EPHA6: variants seen among roughly 807,000 people sequenced by gnomAD.
EPHA6 encodes the protein EPH receptor A6.
In EPHA6, 50 loss-of-function variants were observed where a neutral mutation model predicts 112.0. The ratio of observed to expected loss-of-function variants is 0.45; its 90% CI spans 0.36 to 0.56. The LOEUF is 0.56. EPHA6 is among the 20% of genes least tolerant of loss of function. The pLI is 0.00. For missense variants in EPHA6, 1,280 were observed against 1,417.4 expected (o/e 0.90, Z 1.56); for synonymous variants, 529 against 490.7 (o/e 1.08, Z -1.03).
chr3:97,087,527 G>C (rs1319585032), intron 3 of EPHA6, among the ~76,000 whole-genome samples: 1 of 152,196 alleles, frequency 6.6e-6, no homozygotes, highest in African/African-American at 2.4e-5. Flanking sequence ...AGGGCCACTA[G>C]CTAGGCAGGT....
intron 5 of EPHA6, among the ~76,000 whole-genome samples, chr3:97,254,588 C>A (rs2079248154): frequency 6.6e-6 from 1 of 152,150 alleles, no homozygotes; most frequent in Non-Finnish European, 1.5e-5. Context: ...TTCCTACCAG[C>A]TCATATTAGT....
intron 2 of EPHA6, among the ~76,000 whole-genome samples, chr3:96,930,405 T>C (rs2040251696): frequency 6.6e-6 from 1 of 152,218 alleles, no homozygotes; most frequent in Non-Finnish European, 1.5e-5. Flanking sequence ...TGTGTTGATG[T>C]TGTTTTCTGT....
chr3:97,029,881 A>T (rs1489859656), intron 3 of EPHA6, among the ~76,000 whole-genome samples: 2 of 152,122 alleles, frequency 1.3e-5, no homozygotes, highest in African/African-American at 2.4e-5. Context: ...GTATCATTGA[A>T]ATCTATGAAG....
At chr3:97,227,393 A>G (rs149687635) in intron 4 of EPHA6, among the ~76,000 whole-genome samples, 4,205 of 152,028 alleles carry the variant, frequency 0.028, 86 homozygotes, top group South Asian at 0.051. Flanking sequence ...GCTAATTTTC[A>G]TATTTTTAGT....
intron 3 of EPHA6, among the ~76,000 whole-genome samples, chr3:97,178,484 C>G (rs2076897270): frequency 6.6e-6 from 1 of 152,040 alleles, no homozygotes; most frequent in African/African-American, 2.4e-5. Flanking sequence ...TCATTGATGT[C>G]CTTTTCTTTC....
chr3:97,663,212 T>C (rs1239140538), intron 14 of EPHA6, among the ~76,000 whole-genome samples: 2 of 152,206 alleles, frequency 1.3e-5, no homozygotes, highest in Non-Finnish European at 2.9e-5. Context: ...TAGAAATATA[T>C]ATTTTTAAAG....
chr3:96,963,655 C>A (rs1215942312), intron 2 of EPHA6, among the ~76,000 whole-genome samples: 1 of 152,114 alleles, frequency 6.6e-6, no homozygotes, highest in African/African-American at 2.4e-5. Flanking sequence ...ATCTGTCATG[C>A]AGTGGAGCTC....
chr3:97,531,687 C>G (rs2092696925), intron 10 of EPHA6, among the ~76,000 whole-genome samples: 1 of 152,100 alleles, frequency 6.6e-6, no homozygotes, highest in African/African-American at 2.4e-5. Flanking sequence ...TTCTTTGAAA[C>G]TCACAACATT....
Position 97,059,722 on chromosome 3 carries a change from AATG to A in EPHA6, c.1114+71732_1114+71734del, listed in dbSNP as rs544277291. Among the ~76,000 whole-genome samples, 654 of 150,632 alleles carry A rather than the reference AATG, an allele frequency of 4.3e-3. 4 individuals are homozygous for A. The highest frequency in any genetic ancestry group is 0.014 in the African/African-American group (565 of 40,860). On this transcript the variant is annotated intron_variant, in intron 3 of 17. Transcript: ENST00000389672. Reference sequence around the variant, plus strand: ...TAGATACACATAATATAATAAATATAATGATAAGTGTAACTTTCAAAAGAATTT... The same window carrying A: ...TAGATACACATAATATAATAAATATAATAAGTGTAACTTTCAAAAGAATTT...
At chr3:97,458,538 G>C (rs1254478522) in intron 7 of EPHA6, among the ~76,000 whole-genome samples, 1 of 151,948 alleles carries the variant, frequency 6.6e-6, no homozygotes, top group Non-Finnish European at 1.5e-5. Context: ...ACGTAAGTGT[G>C]TGTATATATA....
chr3:96,902,787 A>T (rs2038689365), intron 2 of EPHA6, among the ~76,000 whole-genome samples: 1 of 152,108 alleles, frequency 6.6e-6, no homozygotes, highest in Non-Finnish European at 1.5e-5. Context: ...TATTGACAAG[A>T]TCTACTGGAG....
At chr3:97,051,720 A>G (rs1359961225) in intron 3 of EPHA6, among the ~76,000 whole-genome samples, 1 of 152,108 alleles carries the variant, frequency 6.6e-6, no homozygotes, top group Non-Finnish European at 1.5e-5. Flanking sequence ...GTGGTTCTCA[A>G]TCTTGGCTTC....
intron 2 of EPHA6, among the ~76,000 whole-genome samples, chr3:96,919,077 A>G (rs2039628803): frequency 6.6e-6 from 1 of 151,840 alleles, no homozygotes; most frequent in African/African-American, 2.4e-5. Flanking sequence ...ATCAAATGTT[A>G]CTCCTTATTG....
intron 11 of EPHA6, among the ~76,000 whole-genome samples, chr3:97,581,825 G>T (rs1320078449): frequency 6.6e-6 from 1 of 152,206 alleles, no homozygotes; most frequent in East Asian, 1.9e-4. Flanking sequence ...GATGATTCCA[G>T]CAGCAGACAA....
intron 3 of EPHA6, among the ~76,000 whole-genome samples, chr3:97,099,360 A>G (rs1450779429): frequency 6.6e-6 from 1 of 151,810 alleles, no homozygotes; most frequent in Non-Finnish European, 1.5e-5. Flanking sequence ...TTAAGAACTG[A>G]TTTTGTGGGT....
At chr3:97,443,197 G>A (rs1481437092) in intron 6 of EPHA6, among the ~76,000 whole-genome samples, 3 of 151,976 alleles carry the variant, frequency 2.0e-5, no homozygotes, top group African/African-American at 4.8e-5. Flanking sequence ...GGGTGAGGAA[G>A]TCAAACAGAA....
intron 2 of EPHA6, among the ~76,000 whole-genome samples, chr3:96,939,039 T>A (rs1349966956): frequency 3.9e-5 from 6 of 152,188 alleles, no homozygotes; most frequent in South Asian, 2.1e-4. Flanking sequence ...TGCATCAATG[T>A]TCATCAAGGA....
At chr3:97,703,174 G>A (rs1322931967) in intron 14 of EPHA6, among the ~76,000 whole-genome samples, 1 of 152,144 alleles carries the variant, frequency 6.6e-6, no homozygotes. Flanking sequence ...AGCCATTTGG[G>A]AAGAGCCTGT....
At chr3:97,274,288 A>C (rs1353562849) in intron 5 of EPHA6, among the ~76,000 whole-genome samples, 1 of 152,286 alleles carries the variant, frequency 6.6e-6, no homozygotes, top group South Asian at 2.1e-4. Flanking sequence ...AAAACTGGCC[A>C]TGAGGGACAG....
Sources: allele counts gnomAD v4.1 joint callset (sites outside exome capture counted in the v4.1 genomes callset), GRCh38; gene constraint gnomAD v4.1.1; transcripts MANE v1.5; gene names NCBI Gene and HGNC (gene_info 2026-07-23, HGNC 2026-07-21).